Variants in UBLCP1 observed in about 807,000 individuals in gnomAD.
UBLCP1 encodes the protein ubiquitin like domain containing CTD phosphatase 1, also known as ubiquitin-like domain-containing CTD phosphatase 1.
A neutral mutation model predicts 42.4 loss-of-function variants in UBLCP1; 28 were observed. The ratio of observed to expected loss-of-function variants is 0.66; its 90% CI spans 0.49 to 0.90. The LOEUF is 0.90. UBLCP1 is among the 40% of genes least tolerant of loss of function. UBLCP1 has a pLI of 0.00. For synonymous variants in UBLCP1, 122 were observed against 120.8 expected (o/e 1.01, Z -0.07); for missense variants, 279 against 374.5 (o/e 0.75, Z 2.10).
At chr5:159,274,360 A>C (rs182859518) in intron 6 of UBLCP1, 372 of 376,476 alleles carry the variant, frequency 9.9e-4, no homozygotes, top group Middle Eastern at 1.5e-3. Context: ...GATTACCTGT[A>C]TCTTACAGAT....
chr5:159,269,848 G>A, intron 2 of UBLCP1, 60 bp from the exon 3 acceptor site: 2 of 1,327,628 alleles, frequency 1.5e-6, no homozygotes, highest in Non-Finnish European at 2.1e-6. Flanking sequence ...TTTATATAAT[G>A]GAATAGTGAA....
At chr5:159,263,474 G>C (rs574444910) in intron 1 of UBLCP1, 114 bp downstream of exon 1, 2 of 152,468 alleles carry the variant, frequency 1.3e-5, no homozygotes, top group East Asian at 3.9e-4. Context: ...GCTGGGGATA[G>C]TGTCTGTCCT....
chr5:159,270,565 G>T lies in UBLCP1; in HGVS notation c.370G>T (p.Glu124Ter). ...ACTGAAAATTTCTCGCAGAGTGAAA[G>T]AGTACAAAGTGGAAATTTTGAATCC... ...NLLKISRRVK[E>*]YKVEILNPPR... The change falls in exon 5 of 11, where the codon GAG (glutamate) becomes TAG (stop). Residue 124 changes from glutamate (E) to a stop codon, truncating the protein, a stop_gained. Transcript: ENST00000296786. LOFTEE classifies it high-confidence loss of function. 2 of 1,611,848 alleles carry T rather than the reference G, an allele frequency of 1.2e-6. No individual in the cohort carries two copies. The highest frequency in any genetic ancestry group is 1.1e-5 in the South Asian group (1 of 90,490).
At chr5:159,265,322 C>G (rs1024620411) in intron 1 of UBLCP1, among the ~76,000 whole-genome samples, 7 of 152,126 alleles carry the variant, frequency 4.6e-5, no homozygotes, top group African/African-American at 1.2e-4. Flanking sequence ...AATGTTTCAT[C>G]AAATAAGTGA....
rs1439918315 is a variant in UBLCP1, at chr5:159,270,622, G to A, written c.427G>A (p.Asp143Asn). ...GGAAGGGAAAAAGCTTTTGGTGCTA[G>A]ATGTTGATTATACATTATTTGGTAA... ...PREGKKLLVL[D>N]VDYTLFDHRS... is the part of the protein sequence containing the mutation. The change falls in exon 5 of 11, where the codon GAT (aspartate) becomes AAT (asparagine). Residue 143 changes from aspartate (D) to asparagine (N), a missense_variant. Transcript: ENST00000296786. 3.7e-6 allele frequency: 6 copies of A among 1,605,654 alleles called. No homozygotes were observed.
At chr5:159,284,799 T>C (rs1363767945) in intron 10 of UBLCP1, 105 bp from the exon 11 acceptor site, 19 of 1,164,508 alleles carry the variant, frequency 1.6e-5, no homozygotes, top group Non-Finnish European at 2.4e-5. Flanking sequence ...AATACTCATC[T>C]TGAAATGTTT....
At chr5:159,274,534 A>C in intron 6 of UBLCP1, 51 bp from the exon 7 acceptor site, 1 of 1,527,636 alleles carries the variant, frequency 6.5e-7, no homozygotes, top group East Asian at 2.3e-5. Context: ...ATTTTTTTTA[A>C]AGAAATTCAA....
intron 8 of UBLCP1, among the ~76,000 whole-genome samples, chr5:159,276,117 T>C (rs1314255500): frequency 1.3e-5 from 2 of 152,146 alleles, no homozygotes; most frequent in Non-Finnish European, 2.9e-5. Flanking sequence ...ACAGTCCATA[T>C]CATTTGAAAG....
In UBLCP1 at chr5:159,285,393, C is replaced by G. The variant is rs1212345120; in HGVS notation, c.*462C>G. On this transcript the variant is annotated 3_prime_UTR_variant, in exon 11 of 11. Transcript: ENST00000296786. ...AGTACTTTTCCCTTTAAAAACAAACCAAAAAAAAAAACAAAAAAAAACTTT... is the reference window on the plus strand; with the variant it reads ...AGTACTTTTCCCTTTAAAAACAAACGAAAAAAAAAAACAAAAAAAAACTTT... 7.5e-6 allele frequency: 1 copy of G among 132,672 alleles called. No individual in the cohort carries two copies. Among genetic ancestry groups the G allele is most frequent in the African/African-American group, 2.8e-5 (1 of 36,286 alleles). The allele number at this position is 132,672 out of a possible 1,614,324, so 8.2% of individuals were successfully genotyped here.
chr5:159,264,142 G>A (rs935996796), intron 1 of UBLCP1, among the ~76,000 whole-genome samples: 1 of 152,186 alleles, frequency 6.6e-6, no homozygotes, highest in African/African-American at 2.4e-5. Context: ...TTGTTGAGAA[G>A]ACTGAGGCCA....
At chr5:159,284,784 T>C (rs1435019283) in intron 10 of UBLCP1, 120 bp from the exon 11 acceptor site, 2 of 995,224 alleles carry the variant, frequency 2.0e-6, no homozygotes, top group Non-Finnish European at 3.2e-6. Context: ...TAAGTGACTA[T>C]TAAGAATACT....
At chr5:159,281,994 GA>G (rs1258925345) in intron 9 of UBLCP1, among the ~76,000 whole-genome samples, 1 of 152,006 alleles carries the variant, frequency 6.6e-6, no homozygotes, top group East Asian at 1.9e-4. Context: ...GAATATGTAT[GA>G]TTTTTTTTTA....
chr5:159,268,975 A>T lies in UBLCP1; in HGVS notation c.60A>T (p.Ser20=). The T allele has an allele frequency of 6.2e-7, 1 of 1,612,320 alleles. No homozygotes were observed. Among genetic ancestry groups the T allele is most frequent in the Non-Finnish European group, 8.5e-7 (1 of 1,179,350 alleles). Reference sequence around the variant, plus strand: ...AGGAGTATTCAGTGACCACACTTTCAGAAGATGATACTGTGCTCGATCTCA... The same window carrying T: ...AGGAGTATTCAGTGACCACACTTTCTGAAGATGATACTGTGCTCGATCTCA... ...GGQEYSVTTL[S]EDDTVLDLKQ... is the part of the protein sequence containing the mutation. Residue 20 remains serine, a synonymous_variant, in exon 2 of 11, where the codon TCA becomes TCT. Transcript: ENST00000296786.
At chr5:159,270,226 T>C (rs74338255) in intron 3 of UBLCP1, 134 bp from the exon 4 acceptor site, 1 of 818,352 alleles carries the variant, frequency 1.2e-6, no homozygotes, top group East Asian at 2.6e-5. Context: ...GAATTATTAA[T>C]TGTGGAAATT....
chr5:159,285,859 T>C lies in UBLCP1; in HGVS notation c.*928T>C, dbSNP rs1268803924. On this transcript the variant is annotated 3_prime_UTR_variant, in exon 11 of 11. Coordinates refer to ENST00000296786, the MANE Select transcript of UBLCP1 (RefSeq NM_145049.5). ...ATCTAGCCATAAGATTAAAAAAATA[T>C]ATTATTTGCAATGCTTAAGCCTGCA... is the stretch of plus-strand genomic sequence containing the variant. The C allele has an allele frequency of 1.3e-5, 2 of 152,782 alleles. No individual in the cohort carries two copies. Among genetic ancestry groups the C allele is most frequent in the African/African-American group, 2.4e-5 (1 of 41,468 alleles). The allele number at this position is 152,782 out of a possible 1,614,324, so 9.5% of individuals were successfully genotyped here.
Position 159,283,265 on chromosome 5 carries a change from A to C in UBLCP1, c.855A>C (p.Leu285Phe). 1 of 1,607,024 alleles carries C rather than the reference A, an allele frequency of 6.2e-7. No homozygotes were observed. The highest frequency in any genetic ancestry group is 8.5e-7 in the Non-Finnish European group (1 of 1,177,246). Reference sequence around the variant, plus strand: ...ATCGTGATAAAGACAAAGAACTTTTAAAATTAACTCAGTACCTCAAGGAGA... The same window carrying C: ...ATCGTGATAAAGACAAAGAACTTTTCAAATTAACTCAGTACCTCAAGGAGA... The part of the protein sequence containing the change: ...HLNRDKDKEL[L>F]KLTQYLKEIA... Residue 285 changes from leucine (L) to phenylalanine (F), a missense_variant, in exon 10 of 11, where the codon TTA becomes TTC. Physicochemically the swap from Leu to Phe is conservative, Grantham distance 22. Coordinates refer to ENST00000296786, the MANE Select transcript of UBLCP1 (RefSeq NM_145049.5).
At chr5:159,277,325 T>G (rs1345393188) in intron 8 of UBLCP1, among the ~76,000 whole-genome samples, 1 of 152,122 alleles carries the variant, frequency 6.6e-6, no homozygotes, top group Non-Finnish European at 1.5e-5. Context: ...CCAAATTAAA[T>G]TATAGGAGGA....
At chr5:159,270,273 T>C in intron 3 of UBLCP1, 87 bp from the exon 4 acceptor site, 1 of 1,134,048 alleles carries the variant, frequency 8.8e-7, no homozygotes, top group South Asian at 1.4e-5. Context: ...GAACTCAAAT[T>C]GTATCTCTCA....
intron 1 of UBLCP1, among the ~76,000 whole-genome samples, chr5:159,268,556 G>A (rs906590532): frequency 1.3e-5 from 2 of 152,208 alleles, no homozygotes; most frequent in Non-Finnish European, 2.9e-5. Context: ...GTCTGTCAGG[G>A]AAGGACTTGC....
Sources: allele counts gnomAD v4.1 joint callset (sites outside exome capture counted in the v4.1 genomes callset), GRCh38; gene constraint gnomAD v4.1.1; transcripts MANE v1.5; gene names NCBI Gene and HGNC (gene_info 2026-07-23, HGNC 2026-07-21).